GNAS: variants seen among roughly 807,000 people sequenced by gnomAD.
The protein encoded by GNAS is protein ALEX.
A neutral mutation model predicts 54.5 loss-of-function variants in GNAS; 8 were observed. The ratio of observed to expected loss-of-function variants is 0.15; its 90% CI spans 0.09 to 0.26. The LOEUF (loss-of-function observed/expected upper bound fraction) is 0.26. Ranked by LOEUF, GNAS falls within the 10% of genes least tolerant of loss-of-function variation. The pLI is 1.00. For synonymous variants in GNAS, 204 were observed against 191.4 expected (o/e 1.07, Z -0.54); for missense variants, 170 against 529.8 (o/e 0.32, Z 6.67).
chr20:58,845,964 GGTAA>G (rs1311503006), intron 1 of GNAS, among the ~76,000 whole-genome samples: 1 of 152,152 alleles, frequency 6.6e-6, no homozygotes, highest in Non-Finnish European at 1.5e-5. Flanking sequence ...TTTATTTTAG[GGTAA>G]GTATGTTACA....
rs772823560 is a variant in GNAS, at chr20:58,909,960, C to A, written c.849C>A (p.Arg283=). Residue 283 remains arginine, a synonymous_variant, in exon 11 of 13, where the codon CGC becomes CGA. Transcript: ENST00000371085. The surrounding 1 kb of genome is among the most constrained non-coding windows in gnomAD (Gnocchi z 7.3). ...GCCTCCCTTCTTGTAGATGGCTGCGCACCATCTCTGTGATCCTGTTCCTCA... is the reference window on the plus strand; with the variant it reads ...GCCTCCCTTCTTGTAGATGGCTGCGAACCATCTCTGTGATCCTGTTCCTCA... ...FKSIWNNRWL[R]TISVILFLNK... 6.2e-7 allele frequency: 1 copy of A among 1,613,440 alleles called. No individual in the cohort carries two copies. The highest frequency in any genetic ancestry group is 1.7e-5 in the Admixed American group (1 of 60,020).
intron 1 of GNAS, among the ~76,000 whole-genome samples, chr20:58,843,812 A>T (rs1479119994): frequency 2.0e-5 from 3 of 152,192 alleles, no homozygotes; most frequent in Non-Finnish European, 2.9e-5. Flanking sequence ...AACTTATCTG[A>T]GCTGGGAATT....
chr20:58,861,582 C>T (rs1433115834), intron 1 of GNAS, among the ~76,000 whole-genome samples: 3 of 152,130 alleles, frequency 2.0e-5, no homozygotes, highest in Non-Finnish European at 1.5e-5. Context: ...GGGAGTTCTG[C>T]TGAAAAGTCT....
chr20:58,861,661 G>A (rs571199304), intron 1 of GNAS, among the ~76,000 whole-genome samples: 20 of 152,304 alleles, frequency 1.3e-4, no homozygotes, highest in African/African-American at 4.8e-4. Context: ...TTGGGGGAAA[G>A]AAGCCCCTGA....
At chr20:58,899,345 A>C (rs2090377746) in intron 3 of GNAS, 3 of 511,070 alleles carry the variant, frequency 5.9e-6, no homozygotes, top group East Asian at 8.7e-5. Context: ...CTATCTACTA[A>C]ATTCCATCTA....
At chr20:58,868,455 T>A (rs868411476) in intron 1 of GNAS, among the ~76,000 whole-genome samples, 1 of 151,944 alleles carries the variant, frequency 6.6e-6, no homozygotes, top group African/African-American at 2.4e-5. Flanking sequence ...CAGCCAGCTT[T>A]TTTTTTTTTT....
intron 1 of GNAS, chr20:58,854,471 TGACTCC>T: frequency 6.3e-7 from 1 of 1,581,036 alleles, no homozygotes; most frequent in South Asian, 1.1e-5. Context: ...CAGCCGATCC[TGACTCC>T]GGGGCAACCC....
At chr20:58,851,445 T>C (rs2086169055) in intron 1 of GNAS, among the ~76,000 whole-genome samples, 1 of 152,180 alleles carries the variant, frequency 6.6e-6, no homozygotes, top group African/African-American at 2.4e-5. Context: ...GCAGGTCAGA[T>C]GACCCCCTGC....
Position 58,853,203 on chromosome 20 carries a change from A to G in GNAS, c.43+12317A>G, listed in dbSNP as rs1484502443. On this transcript the variant is annotated intron_variant, in intron 1 of 12. Transcript: ENST00000306090. This position sits in a 1 kb window ranked among gnomAD's most constrained non-coding sequence, Gnocchi z 4.4. The stretch of plus-strand genomic sequence containing the variant: ...ATAATAATAATAATTTTTTCACCCT[A>G]GTTCGGTTGGGTGCTCCATCTTACG... 1.4e-6 allele frequency: 2 copies of G among 1,475,240 alleles called. No homozygotes were observed. Among genetic ancestry groups the G allele is most frequent in the Non-Finnish European group, 1.8e-6 (2 of 1,111,324 alleles). 91.4% of individuals were successfully genotyped at this position (1,475,240 alleles called of 1,614,324 possible).
chr20:58,850,808 G>A (rs1045426430), intron 1 of GNAS: 4 of 398,628 alleles, frequency 1.0e-5, no homozygotes, highest in African/African-American at 8.2e-5. Flanking sequence ...AGCGGTCCTC[G>A]TGGTCTTCCA....
chr20:58,905,610 T>C (rs976745861), intron 6 of GNAS, 130 bp downstream of exon 6: 1 of 712,126 alleles, frequency 1.4e-6, no homozygotes, highest in Non-Finnish European at 2.6e-6. Flanking sequence ...GTTACCCCAC[T>C]GGCAGAAAGT....
rs780421862 is a variant in GNAS, at chr20:58,909,656, G to A, written c.719-28G>A. The stretch of plus-strand genomic sequence containing the variant: ...GTTAGGGATCAGGGTCGCTGCTCAC[G>A]CTCTTGGCTTTGCTCTCTTTGGTTA... On this transcript the variant is annotated intron_variant, in intron 9 of 12. Transcript: ENST00000371085. The surrounding 1 kb of genome is among the most constrained non-coding windows in gnomAD (Gnocchi z 7.3). 5.6e-6 allele frequency: 9 copies of A among 1,614,106 alleles called. No individual in the cohort carries two copies. The East Asian group carries it at 6.7e-5, about 12-fold the overall frequency.
At chr20:58,878,704 G>A (rs2088004078) in intron 1 of GNAS, among the ~76,000 whole-genome samples, 5 of 152,016 alleles carry the variant, frequency 3.3e-5, no homozygotes, top group Admixed American at 3.3e-4. Context: ...GATTTTAATG[G>A]GCCCATTTAG....
Position 58,902,725 on chromosome 20 carries a change from C to CTT in GNAS, c.258-779_258-778dup, listed in dbSNP as rs60022134. 2.2e-3 allele frequency among the ~76,000 whole-genome samples: 151 copies of CTT among 69,494 alleles called. 32 individuals are homozygous for CTT. The highest frequency in any genetic ancestry group is 7.5e-3 in the African/African-American group (113 of 15,002). The allele number at this position is 69,494 out of a possible 152,430, so 45.6% of individuals were successfully genotyped here. On this transcript the variant is annotated intron_variant, in intron 3 of 12. Coordinates refer to ENST00000371085, the MANE Select transcript of GNAS (RefSeq NM_000516.7). ...AGTGCCTGGAGCATCGCACATACGA[C>CTT]TTTTTTTTTTTTTTTTTTTTTTTTT...
At chr20:58,851,252 G>A (rs1323899751) in intron 1 of GNAS, among the ~76,000 whole-genome samples, 1 of 152,190 alleles carries the variant, frequency 6.6e-6, no homozygotes, top group Non-Finnish European at 1.5e-5. Flanking sequence ...GTGGATGCAG[G>A]GGTGCAAGGA....
rs376019331 is a variant in GNAS, at chr20:58,853,984, C to T, written c.43+13098C>T. On this transcript the variant is annotated intron_variant, in intron 1 of 12. Transcript: ENST00000306090. This position sits in a 1 kb window ranked among gnomAD's most constrained non-coding sequence, Gnocchi z 4.4. ...GGATTTGGGGACGACAGCCCACCCC[C>T]GGGGCTTTCCCGAGTTATCGCACAA... is the stretch of plus-strand genomic sequence containing the variant. 6.2e-6 allele frequency: 10 copies of T among 1,611,928 alleles called. No homozygotes were observed. Among genetic ancestry groups the T allele is most frequent in the South Asian group, 4.4e-5 (4 of 91,020 alleles).
intron 1 of GNAS, among the ~76,000 whole-genome samples, chr20:58,892,954 C>T (rs1029786981): frequency 6.1e-5 from 9 of 147,660 alleles, no homozygotes; most frequent in Non-Finnish European, 4.5e-5. Context: ...GCTGGCTGGC[C>T]ACATTGAGAG....
Position 58,911,059 on chromosome 20 carries a change from C to G in GNAS, c.*230C>G. The stretch of plus-strand genomic sequence containing the variant: ...AAGGAAAAAAGGCCACAAAAGTTCC[C>G]TCTCACTTTCAGTAAAAATAAATAA... On this transcript the variant is annotated 3_prime_UTR_variant, in exon 13 of 13. Transcript: ENST00000371085. 1 of 665,246 alleles carries G rather than the reference C, an allele frequency of 1.5e-6. No individual in the cohort carries two copies. The highest frequency in any genetic ancestry group is 2.7e-6 in the Non-Finnish European group (1 of 364,288). 41.2% of individuals were successfully genotyped at this position (665,246 alleles called of 1,614,324 possible).
intron 1 of GNAS, 116 bp downstream of exon 1, chr20:58,891,981 CGTTCG>C: frequency 1.3e-6 from 1 of 747,784 alleles, no homozygotes; most frequent in Non-Finnish European, 1.6e-6. Context: ...GCCCCCCGCC[CGTTCG>C]CGGGCTCTGT....
Sources: allele counts gnomAD v4.1 joint callset (sites outside exome capture counted in the v4.1 genomes callset), GRCh38; gene constraint gnomAD v4.1.1; non-coding constraint Gnocchi (gnomAD v3.1); transcripts MANE v1.5; gene names NCBI Gene and HGNC (gene_info 2026-07-23, HGNC 2026-07-21).